The following NOX4 variants were observed in gnomAD, a reference collection of about 807,000 sequenced individuals.
NOX4 encodes NADPH oxidase 4.
In NOX4, 69 loss-of-function variants were observed where a neutral mutation model predicts 87.6. That is an observed-to-expected ratio of 0.79 (90% CI 0.65 to 0.96). The LOEUF is 0.96. Ranked by LOEUF, NOX4 falls within the 40% of genes least tolerant of loss-of-function variation. The pLI is 0.00. For missense variants in NOX4, 680 were observed against 681.5 expected, an observed-to-expected ratio of 1.00 and a Z score of 0.02; for synonymous variants, 275 against 238.2, an observed-to-expected ratio of 1.15 and a Z score of -1.42.
At chr11:89,504,162 C>T in the NOX4 span, among the ~76,000 whole-genome samples, 1 of 151,484 alleles carries the variant, frequency 6.6e-6, no homozygotes, top group East Asian at 1.9e-4. Flanking sequence ...GATGTCCAGA[C>T]AGAGGAAATA....
At position 89,326,800 on chromosome 11, in the gene NOX4, A is replaced by G. The variant is rs988290757; in HGVS notation, c.1693T>C (p.Ser565Pro). The change falls in exon 18 of 18, where the codon TCA becomes CCA. Residue 565 changes from serine to proline, a missense_variant. Transcript: ENST00000263317. ...TLHKLSNQNN[S>P]YGTRFEYNKE... ...TTGTATTCAAATCTTGTCCCATATG[A>G]GTTGTTCTGGTTACTCAGTTTATGA... 1 of 1,613,396 alleles carries G rather than the reference A, an allele frequency of 6.2e-7. No homozygotes were observed. Among genetic ancestry groups the G allele is most frequent in the East Asian group, 2.2e-5 (1 of 44,774 alleles).
the NOX4 span, among the ~76,000 whole-genome samples, chr11:89,518,626 T>G: frequency 6.6e-6 from 1 of 151,964 alleles, no homozygotes; most frequent in African/African-American, 2.4e-5. Flanking sequence ...CCACAGCACG[T>G]CCTCCTCCCT....
At chr11:89,561,680 G>A in the NOX4 span, among the ~76,000 whole-genome samples, 2 of 152,072 alleles carry the variant, frequency 1.3e-5, no homozygotes, top group Non-Finnish European at 2.9e-5. Flanking sequence ...TCTACACTGT[G>A]CCAGACACTG....
intron 13 of NOX4, among the ~76,000 whole-genome samples, chr11:89,349,445 G>C (rs1178305712): frequency 6.6e-6 from 1 of 152,116 alleles, no homozygotes; most frequent in Admixed American, 6.6e-5. Context: ...AGAGAAAGGA[G>C]GATAAGCTGG....
intron 8 of NOX4, among the ~76,000 whole-genome samples, chr11:89,418,590 G>A (rs974358677): frequency 2.0e-5 from 3 of 151,686 alleles, no homozygotes; most frequent in Admixed American, 6.6e-5. Context: ...ATATCACAAC[G>A]TGAGAAACAG....
At chr11:89,337,575 T>G in intron 15 of NOX4, 60 bp from the exon 16 acceptor site, 1 of 1,594,810 alleles carries the variant, frequency 6.3e-7, no homozygotes, top group Non-Finnish European at 8.6e-7. Flanking sequence ...TCAGATTTTC[T>G]CCTATTCTAA....
At chr11:89,354,588 A>T (rs1410913562) in intron 13 of NOX4, among the ~76,000 whole-genome samples, 1 of 152,200 alleles carries the variant, frequency 6.6e-6, no homozygotes, top group Non-Finnish European at 1.5e-5. Flanking sequence ...GACTTGCTAC[A>T]ATATAAATGA....
chr11:89,541,081 G>A, the NOX4 span, among the ~76,000 whole-genome samples: 3 of 152,040 alleles, frequency 2.0e-5, no homozygotes, highest in South Asian at 6.2e-4. Flanking sequence ...AGAAACTTTT[G>A]TTGACTGGAA....
chr11:89,502,785 C>T (rs1048702245), upstream of NOX4, among the ~76,000 whole-genome samples: 10 of 151,976 alleles, frequency 6.6e-5, no homozygotes, highest in East Asian at 5.8e-4. Flanking sequence ...GGGAATATAT[C>T]GTAATATTCA....
intron 12 of NOX4, among the ~76,000 whole-genome samples, chr11:89,358,395 A>T (rs1371768556): frequency 6.7e-6 from 1 of 150,180 alleles, no homozygotes; most frequent in Non-Finnish European, 1.5e-5. Context: ...TCAAAAAAAA[A>T]AAAAAAAAAA....
chr11:89,510,672 A>T, the NOX4 span, among the ~76,000 whole-genome samples: 4 of 152,124 alleles, frequency 2.6e-5, no homozygotes, highest in Non-Finnish European at 5.9e-5. Context: ...ACAAAAAAGC[A>T]AGAACTTTTT....
At chr11:89,345,966 G>T (rs1946199447) in intron 13 of NOX4, among the ~76,000 whole-genome samples, 1 of 152,102 alleles carries the variant, frequency 6.6e-6, no homozygotes, top group Non-Finnish European at 1.5e-5. Context: ...GTAGGAGAAA[G>T]AAAGGAAAGG....
chr11:89,395,303 T>G (rs1476495495), intron 11 of NOX4, among the ~76,000 whole-genome samples: 2 of 152,212 alleles, frequency 1.3e-5, no homozygotes, highest in East Asian at 3.8e-4. Flanking sequence ...AATGTCTTCT[T>G]TTGAGAAGTG....
chr11:89,388,701 A>G (rs1355045562), intron 11 of NOX4, among the ~76,000 whole-genome samples: 2 of 152,152 alleles, frequency 1.3e-5, no homozygotes, highest in East Asian at 3.9e-4. Flanking sequence ...AAGGCAAATA[A>G]GTCATCAGTT....
At chr11:89,349,501 T>C (rs1165726960) in intron 13 of NOX4, among the ~76,000 whole-genome samples, 2 of 152,028 alleles carry the variant, frequency 1.3e-5, no homozygotes, top group Non-Finnish European at 2.9e-5. Context: ...AGTTTAAGGG[T>C]ATTACCCAAA....
chr11:89,480,597 A>G (rs1946354661), intron 2 of NOX4, among the ~76,000 whole-genome samples: 1 of 152,096 alleles, frequency 6.6e-6, no homozygotes, highest in Non-Finnish European at 1.5e-5. Flanking sequence ...CTATTATGGA[A>G]TAGACTTCAT....
the NOX4 span, among the ~76,000 whole-genome samples, chr11:89,507,193 G>A: frequency 1.3e-5 from 2 of 151,842 alleles, no homozygotes; most frequent in South Asian, 4.1e-4. Context: ...AAAAAAGATT[G>A]AGGAATCGTT....
chr11:89,382,415 T>C (rs1270130011), intron 11 of NOX4, among the ~76,000 whole-genome samples: 3 of 151,718 alleles, frequency 2.0e-5, no homozygotes, highest in Non-Finnish European at 4.4e-5. Flanking sequence ...TTGTACAAGA[T>C]CTAGATAATT....
At position 89,359,379 on chromosome 11, in the gene NOX4, A is replaced by ATTT. The variant is rs33949541; in HGVS notation, c.1136-4339_1136-4337dup. Among the ~76,000 whole-genome samples the ATTT allele has an allele frequency of 3.1e-3, 401 of 128,728 alleles. 2 individuals carry two copies. Among genetic ancestry groups the ATTT allele is most frequent in the African/African-American group, 0.011 (378 of 34,448 alleles). 84.5% of individuals were successfully genotyped at this position (128,728 alleles called of 152,430 possible). ...TACATAACAATAAAAAGCAGTAGGC[A>ATTT]TTTTTTTTTTTTTTTTTTTGAGATG... On this transcript the variant is annotated intron_variant, in intron 12 of 17. Coordinates refer to ENST00000263317, the MANE Select transcript of NOX4 (RefSeq NM_016931.5).
Sources: allele counts gnomAD v4.1 joint callset (sites outside exome capture counted in the v4.1 genomes callset), GRCh38; gene constraint gnomAD v4.1.1; transcripts MANE v1.5; gene names NCBI Gene and HGNC (gene_info 2026-07-23, HGNC 2026-07-21).